ABL2: variants seen among roughly 807,000 people sequenced by gnomAD.
The protein encoded by ABL2 is ABL proto-oncogene 2, non-receptor tyrosine kinase, also known as tyrosine-protein kinase ABL2.
A neutral mutation model predicts 107.7 loss-of-function variants in ABL2; 49 were observed. The observed-to-expected ratio is 0.45, with a 90% CI of 0.36 to 0.58. The LOEUF (loss-of-function observed/expected upper bound fraction) is 0.58. Among genes scored for constraint, ABL2 ranks in the 20% least tolerant of loss-of-function variants. The pLI, the probability that ABL2 is intolerant of heterozygous loss-of-function variation, is 0.00. For synonymous variants in ABL2, 549 were observed against 548.6 expected (o/e 1.00, Z -0.01); for missense variants, 1,245 against 1,457.0 (o/e 0.85, Z 2.37).
Position 179,109,927 on chromosome 1 carries a change from C to CA in ABL2, c.1825+354dup, listed in dbSNP as rs11285150. 4.7e-4 allele frequency among the ~76,000 whole-genome samples: 62 copies of CA among 131,222 alleles called. No individual in the cohort carries two copies. In the East Asian group the frequency reaches 8.2e-3, roughly 17 times the overall value. 86.1% of individuals were successfully genotyped at this position (131,222 alleles called of 152,430 possible). A position where few individuals can be genotyped will look rare whatever the true frequency, so the allele number is the denominator to read the frequency against. On this transcript the variant is annotated intron_variant, in intron 11 of 11. Transcript: ENST00000502732. ...TGGGCGACACAGTGAGACTCCGTCT[C>CA]AAAAAAAAAAAAAGAAAAAAAAAAT... is the stretch of plus-strand genomic sequence containing the variant.
chr1:179,183,408 C>G (rs1461783475), intron 1 of ABL2, among the ~76,000 whole-genome samples: 1 of 152,060 alleles, frequency 6.6e-6, no homozygotes, highest in African/African-American at 2.4e-5. Flanking sequence ...AAATATGTAT[C>G]CCTAGAAAGT....
intron 1 of ABL2, among the ~76,000 whole-genome samples, chr1:179,191,413 C>CTTTTTTTTTTTTTTTTTT (rs35362624): frequency 1.3e-5 from 1 of 77,188 alleles, no homozygotes; most frequent in Admixed American, 1.9e-4. Flanking sequence ...TATGAAATCC[C>CTTTTTTTTTTTTTTTTTT]TTTTTTTTTT....
chr1:179,173,777 A>G (rs959078357), intron 1 of ABL2, among the ~76,000 whole-genome samples: 2 of 152,200 alleles, frequency 1.3e-5, no homozygotes, highest in Admixed American at 6.5e-5. Flanking sequence ...TCCATTGGAC[A>G]TATTATTAAG....
At chr1:179,174,531 T>C (rs1042492016) in intron 1 of ABL2, among the ~76,000 whole-genome samples, 2 of 152,062 alleles carry the variant, frequency 1.3e-5, no homozygotes, top group Non-Finnish European at 2.9e-5. Context: ...AATATATATA[T>C]GTGTGTGTAT....
At position 179,229,352 on chromosome 1, in the gene ABL2, G is replaced by T; in HGVS notation, c.46C>A (p.Gln16Lys). 1 of 1,582,322 alleles carries T rather than the reference G, an allele frequency of 6.3e-7. No homozygotes were observed. Among genetic ancestry groups the T allele is most frequent in the East Asian group, 2.4e-5 (1 of 42,322 alleles). The stretch of plus-strand genomic sequence containing the variant: ...CCCCGGATCCCGCGGGGCTGAGGCT[G>T]CTGGAGCCCCGGAGCTTCCCCGACG... ...GRVGEAPGLQ[Q>K]PQPRGIRGSS... Residue 16 changes from glutamine (Q) to lysine (K), a missense_variant, in exon 1 of 12, where the codon CAG (glutamine) becomes AAG (lysine). Around this residue, in one of 3 missense-constraint regions of ABL2, gnomAD observed 164 missense variants for 143.7 expected, o/e 1.14. Coordinates refer to ENST00000502732, the MANE Select transcript of ABL2 (RefSeq NM_007314.4).
At position 179,100,783 on chromosome 1, in the gene ABL2, T is replaced by A. The variant is rs1653028645; in HGVS notation, c.*6935A>T. On this transcript the variant is annotated 3_prime_UTR_variant, in exon 12 of 12. Coordinates refer to ENST00000502732, the MANE Select transcript of ABL2 (RefSeq NM_007314.4). Reference sequence around the variant, plus strand: ...ACATGTATCACAATTCTGCTCCAAATATGGTGTGGTCTGAGGACAGTGCTG... The same window carrying A: ...ACATGTATCACAATTCTGCTCCAAAAATGGTGTGGTCTGAGGACAGTGCTG... 1 of 231,620 alleles carries A rather than the reference T, an allele frequency of 4.3e-6. No homozygotes were observed. Among genetic ancestry groups the A allele is most frequent in the African/African-American group, 2.2e-5 (1 of 45,268 alleles). 14.3% of individuals were successfully genotyped at this position (231,620 alleles called of 1,614,324 possible).
Position 179,168,842 on chromosome 1 carries a change from G to A in ABL2, c.158-35468C>T, listed in dbSNP as rs1252601949. Among the ~76,000 whole-genome samples the A allele has an allele frequency of 5.3e-5, 8 of 152,280 alleles. No homozygotes were observed. In the Middle Eastern group the frequency reaches 0.017, roughly 324 times the overall value. ...ATATGACACTAACTAGCATGACTTC[G>A]TAGTCCAATTTCTAAGGCTTTAAAT... On this transcript the variant is annotated intron_variant, in intron 1 of 11. Transcript: ENST00000502732.
chr1:179,219,500 T>C (rs1486420079), intron 1 of ABL2, among the ~76,000 whole-genome samples: 1 of 152,198 alleles, frequency 6.6e-6, no homozygotes, highest in Non-Finnish European at 1.5e-5. Context: ...TGGGCCAACT[T>C]AGAATGAAGT....
At chr1:179,191,071 T>A (rs186985513) in intron 1 of ABL2, among the ~76,000 whole-genome samples, 57 of 152,292 alleles carry the variant, frequency 3.7e-4, no homozygotes, top group Middle Eastern at 3.4e-3. Flanking sequence ...CTCCCAGTTC[T>A]CTTGAAAACA....
At chr1:179,214,076 C>T (rs148814997) in intron 1 of ABL2, among the ~76,000 whole-genome samples, 3 of 152,234 alleles carry the variant, frequency 2.0e-5, no homozygotes, top group Admixed American at 6.5e-5. Context: ...GCTTCCTATA[C>T]ATTAGCAATA....
intron 1 of ABL2, among the ~76,000 whole-genome samples, chr1:179,141,600 A>C (rs1657595861): frequency 6.6e-6 from 1 of 152,214 alleles, no homozygotes; most frequent in Admixed American, 6.5e-5. Flanking sequence ...AAAGAACCAC[A>C]ACTTAGAAAA....
intron 1 of ABL2, among the ~76,000 whole-genome samples, chr1:179,148,039 C>CTT (rs1393464807): frequency 0.013 from 1,743 of 130,998 alleles, 48 homozygotes; most frequent in African/African-American, 0.03. Flanking sequence ...CTTTTCTTTT[C>CTT]TTTTTTTTTT....
chr1:179,186,180 G>A (rs933145827), intron 1 of ABL2, among the ~76,000 whole-genome samples: 5 of 152,116 alleles, frequency 3.3e-5, no homozygotes, highest in Middle Eastern at 6.8e-3. Context: ...GGGAGGCAGA[G>A]GTTACAGTGA....
chr1:179,159,532 T>C (rs1658934096), intron 1 of ABL2, among the ~76,000 whole-genome samples: 1 of 152,230 alleles, frequency 6.6e-6, no homozygotes, highest in Admixed American at 6.5e-5. Flanking sequence ...AAGAAAGAGC[T>C]AGAAAATATG....
At chr1:179,130,760 G>A (rs947162738) in intron 3 of ABL2, among the ~76,000 whole-genome samples, 3 of 149,520 alleles carry the variant, frequency 2.0e-5, no homozygotes, top group East Asian at 2.0e-4. Context: ...GTGTGTGTGT[G>A]TGTGTACGCA....
At chr1:179,112,189 A>T in intron 10 of ABL2, 120 bp downstream of exon 10, 1 of 773,636 alleles carries the variant, frequency 1.3e-6, no homozygotes, top group Middle Eastern at 2.4e-4. Context: ...TGTAGTTAAA[A>T]GTTGAAACAG....
chr1:179,129,232 T>C (rs1320222292), intron 3 of ABL2, among the ~76,000 whole-genome samples: 1 of 152,192 alleles, frequency 6.6e-6, no homozygotes, highest in Non-Finnish European at 1.5e-5. Flanking sequence ...ACAGTCTTTC[T>C]TTATCAATGT....
intron 1 of ABL2, among the ~76,000 whole-genome samples, chr1:179,140,881 C>CACTA (rs1553223187): frequency 5.3e-5 from 8 of 152,066 alleles, no homozygotes; most frequent in Non-Finnish European, 1.0e-4. Flanking sequence ...TGGTGGCTAG[C>CACTA]GTCTGTAATC....
chr1:179,109,264 C>T lies in ABL2; in HGVS notation c.2003G>A (p.Arg668His), dbSNP rs1367567317. 9.9e-6 allele frequency: 16 copies of T among 1,614,038 alleles called. No homozygotes were observed. The highest frequency in any genetic ancestry group is 1.6e-4 in the Middle Eastern group (1 of 6,062). The change falls in exon 12 of 12, where the codon CGC becomes CAC. Residue 668 changes from arginine (R) to histidine (H), a missense_variant. Physicochemically the swap from Arg to His is conservative, Grantham distance 29 (BLOSUM62 0). Around this residue, in one of 3 missense-constraint regions of ABL2, gnomAD observed 761 missense variants for 766.4 expected, o/e 0.99. Coordinates refer to ENST00000502732, the MANE Select transcript of ABL2 (RefSeq NM_007314.4). ...KKRNAPTPPK[R>H]SSSFREMENQ... ...CTCCATTTCTCGGAAGGAGCTGCTG[C>T]GTTTGGGGGGTGTAGGAGCATTTCT...
Sources: allele counts gnomAD v4.1 joint callset (sites outside exome capture counted in the v4.1 genomes callset), GRCh38; gene constraint gnomAD v4.1.1; regional missense constraint gnomAD v4.1.1; transcripts MANE v1.5; gene names NCBI Gene and HGNC (gene_info 2026-07-23, HGNC 2026-07-21).